Variants in SIPA1L3 observed in about 807,000 individuals in gnomAD.
SIPA1L3 encodes signal-induced proliferation-associated 1-like protein 3.
SIPA1L3 carries 59 observed loss-of-function variants against 150.1 expected under a neutral mutation model. That is an observed-to-expected ratio of 0.39 (90% CI 0.32 to 0.49). The LOEUF (loss-of-function observed/expected upper bound fraction) is 0.49, where lower values mean the gene tolerates loss of function less well. SIPA1L3 is among the 20% of genes least tolerant of loss of function. The pLI is 0.86. For missense variants in SIPA1L3, 2,211 were observed against 2,489.5 expected (o/e 0.89, Z 2.38); for synonymous variants, 1,070 against 1,077.6 (o/e 0.99, Z 0.14).
intron 2 of SIPA1L3, among the ~76,000 whole-genome samples, chr19:38,039,881 A>C (rs181161587): frequency 3.9e-5 from 6 of 152,106 alleles, no homozygotes; most frequent in African/African-American, 1.4e-4. Context: ...TCCCTTTGGG[A>C]AGCATAGGAG....
intron 2 of SIPA1L3, among the ~76,000 whole-genome samples, chr19:38,042,041 CT>C (rs1261734666): frequency 6.6e-6 from 1 of 152,186 alleles, no homozygotes; most frequent in Non-Finnish European, 1.5e-5. Context: ...TGTGCAGAAG[CT>C]TTTTAGTTCG....
At chr19:38,165,026 C>A (rs1972180502) in intron 15 of SIPA1L3, 120 bp downstream of exon 15, 2 of 964,636 alleles carry the variant, frequency 2.1e-6, no homozygotes, top group East Asian at 2.7e-5. Context: ...TGCGCCTAGT[C>A]ATTGGTTTGC....
intron 11 of SIPA1L3, 86 bp from the exon 12 acceptor site, chr19:38,142,483 GTCCA>G (rs1175134545): frequency 7.0e-7 from 1 of 1,422,382 alleles, no homozygotes; most frequent in Admixed American, 2.1e-5. Context: ...CTGTCCGTCT[GTCCA>G]TCCATCTGTC....
chr19:38,108,592 C>G (rs1970671024), intron 7 of SIPA1L3: 1 of 152,258 alleles, frequency 6.6e-6, no homozygotes, highest in Non-Finnish European at 1.5e-5. Flanking sequence ...GGAGTTCACA[C>G]TGTGAGCCAT....
intron 10 of SIPA1L3, among the ~76,000 whole-genome samples, chr19:38,133,780 C>T (rs561292548): frequency 2.0e-5 from 3 of 152,246 alleles, no homozygotes; most frequent in African/African-American, 7.2e-5. Flanking sequence ...AAAACAAGGA[C>T]AATAACGTCC....
chr19:38,105,322 G>A (rs1389551295), intron 6 of SIPA1L3, among the ~76,000 whole-genome samples: 1 of 151,142 alleles, frequency 6.6e-6, no homozygotes, highest in East Asian at 2.0e-4. Context: ...CCCACATTGC[G>A]CCATTGCTCT....
In SIPA1L3 at chr19:38,047,984, G is replaced by T. The variant is rs1255007515; in HGVS notation, c.-311+18828G>T. On this transcript the variant is annotated intron_variant, in intron 2 of 21. Transcript: ENST00000222345. The surrounding 1 kb of genome is among the most constrained non-coding windows in gnomAD (Gnocchi z 4.7). ...GATGTGAGGGAAACAGTGACCCACT[G>T]CAGAGGGTTTCCTGAGCTCTCGTGC... Among the ~76,000 whole-genome samples, 1 of 152,188 alleles carries T rather than the reference G, an allele frequency of 6.6e-6. No individual in the cohort carries two copies. The highest frequency in any genetic ancestry group is 1.5e-5 in the Non-Finnish European group (1 of 68,030).
chr19:37,915,265 C>T (rs1439013005), intron 1 of SIPA1L3, among the ~76,000 whole-genome samples: 1 of 152,126 alleles, frequency 6.6e-6, no homozygotes, highest in African/African-American at 2.4e-5. Flanking sequence ...CCATACCAGG[C>T]ACAGGTTAGC....
At chr19:37,976,766 T>C (rs544857804) in intron 1 of SIPA1L3, among the ~76,000 whole-genome samples, 25 of 152,274 alleles carry the variant, frequency 1.6e-4, no homozygotes, top group Non-Finnish European at 5.9e-5. Context: ...TAGAACAGTG[T>C]GTAGTGTAGA....
intron 21 of SIPA1L3, 112 bp downstream of exon 21, chr19:38,204,320 C>A: frequency 2.6e-6 from 2 of 772,484 alleles, no homozygotes; most frequent in Non-Finnish European, 4.3e-6. Flanking sequence ...ACCCCCACAC[C>A]TCCTGTGTTT....
chr19:37,935,079 A>G (rs1216494104), intron 1 of SIPA1L3, among the ~76,000 whole-genome samples: 2 of 152,182 alleles, frequency 1.3e-5, no homozygotes, highest in Non-Finnish European at 2.9e-5. Context: ...TTGAGAATGA[A>G]TATGAAGTAA....
chr19:38,002,744 A>AAAAT (rs1967838840), intron 1 of SIPA1L3, among the ~76,000 whole-genome samples: 2 of 147,218 alleles, frequency 1.4e-5, no homozygotes, highest in African/African-American at 2.5e-5. Context: ...AAAAAAAAAA[A>AAAAT]TTTATATGTA....
chr19:38,194,383 GA>G (rs1040458936), intron 18 of SIPA1L3, among the ~76,000 whole-genome samples: 10 of 150,304 alleles, frequency 6.7e-5, no homozygotes, highest in African/African-American at 2.0e-4. Flanking sequence ...CCCCACAACT[GA>G]AAGACAGTAC....
chr19:38,166,657 C>T (rs1038820034), intron 15 of SIPA1L3, among the ~76,000 whole-genome samples: 1 of 152,086 alleles, frequency 6.6e-6, no homozygotes, highest in Non-Finnish European at 1.5e-5. Context: ...CCCAGCAGGG[C>T]TTGCTGTGCT....
intron 3 of SIPA1L3, among the ~76,000 whole-genome samples, chr19:38,085,274 A>G (rs1970100016): frequency 6.6e-6 from 1 of 151,546 alleles, no homozygotes; most frequent in African/African-American, 2.4e-5. Flanking sequence ...AGGTCAGGAG[A>G]TTGAGACCAT....
chr19:38,182,703 C>T lies in SIPA1L3; in HGVS notation c.4393C>T (p.Pro1465Ser), dbSNP rs375391771. The part of the protein sequence containing the change: ...HPTGWKRTEE[P>S]PPRPLPFSDP... ...AACAGGGTGGAAGAGAACGGAGGAGCCCCCACCACGGCCACTCCCCTTCAG... is the reference window on the plus strand; with the variant it reads ...AACAGGGTGGAAGAGAACGGAGGAGTCCCCACCACGGCCACTCCCCTTCAG... The change falls in exon 16 of 22, where the codon CCC becomes TCC. Residue 1465 changes from proline (P) to serine (S), a missense_variant. This residue lies in a region of SIPA1L3 where 806 missense variants were observed against 870.1 expected (regional missense o/e 0.93). Coordinates refer to ENST00000222345, the MANE Select transcript of SIPA1L3 (RefSeq NM_015073.3). The T allele has an allele frequency of 3.1e-6, 5 of 1,613,704 alleles. No homozygotes were observed. The highest frequency in any genetic ancestry group is 4.2e-6 in the Non-Finnish European group (5 of 1,179,856).
At chr19:37,998,583 A>T (rs1033540055) in intron 1 of SIPA1L3, among the ~76,000 whole-genome samples, 3 of 152,158 alleles carry the variant, frequency 2.0e-5, no homozygotes, top group African/African-American at 7.2e-5. Context: ...GGAGTTGGAG[A>T]TCAGCCTGCG....
chr19:38,022,586 T>G (rs1249362124), intron 1 of SIPA1L3, among the ~76,000 whole-genome samples: 9 of 151,620 alleles, frequency 5.9e-5, no homozygotes, highest in African/African-American at 2.2e-4. Context: ...CAGGTGCCTC[T>G]AGTCCCAGCT....
chr19:37,980,212 A>C, intron 1 of SIPA1L3, among the ~76,000 whole-genome samples: 1 of 151,358 alleles, frequency 6.6e-6, no homozygotes, highest in African/African-American at 2.4e-5. Flanking sequence ...TCTGTCCTCC[A>C]CTCCTCTCCC....
Sources: allele counts gnomAD v4.1 joint callset (sites outside exome capture counted in the v4.1 genomes callset), GRCh38; gene constraint gnomAD v4.1.1; regional missense constraint gnomAD v4.1.1; non-coding constraint Gnocchi (gnomAD v3.1); transcripts MANE v1.5; gene names NCBI Gene and HGNC (gene_info 2026-07-23, HGNC 2026-07-21).